The following CCDC102B variants were observed in gnomAD, a reference collection of about 807,000 sequenced individuals.
The protein encoded by CCDC102B is coiled-coil domain-containing protein 102B.
Under a neutral mutation model 57.4 loss-of-function variants are expected in CCDC102B, and 75 were observed. The observed-to-expected ratio is 1.31, with a 90% CI of 1.08 to 1.58. CCDC102B has a LOEUF of 1.58. Ranked by LOEUF, CCDC102B falls within the 40% of genes most tolerant of loss-of-function variation. The probability of loss-of-function intolerance (pLI) is 0.00; values close to 1 mark genes in which losing one functional copy is unlikely to be tolerated. For missense variants in CCDC102B, 636 were observed against 582.6 expected, an observed-to-expected ratio of 1.09 and a Z score of -0.94; for synonymous variants, 206 against 201.9, an observed-to-expected ratio of 1.02 and a Z score of -0.17.
At chr18:68,892,069 T>TA (rs2040098935) in intron 5 of CCDC102B, among the ~76,000 whole-genome samples, 1 of 152,192 alleles carries the variant, frequency 6.6e-6, no homozygotes, top group Admixed American at 6.5e-5. Context: ...GGACACTTTT[T>TA]AAAAATCCAA....
At chr18:68,953,614 TA>T (rs1262309025) in intron 6 of CCDC102B, among the ~76,000 whole-genome samples, 1 of 152,126 alleles carries the variant, frequency 6.6e-6, no homozygotes, top group East Asian at 1.9e-4. Flanking sequence ...TCAATGAGTA[TA>T]AAGTGTCCAT....
intron 4 of CCDC102B, among the ~76,000 whole-genome samples, chr18:68,864,502 A>G (rs1599594172): frequency 6.6e-6 from 1 of 151,932 alleles, no homozygotes; most frequent in African/African-American, 2.4e-5. Context: ...TTTCCTGGGT[A>G]CTGTTACATT....
At chr18:68,853,719 C>T (rs1333557504) in intron 4 of CCDC102B, among the ~76,000 whole-genome samples, 4 of 119,258 alleles carry the variant, frequency 3.4e-5, no homozygotes, top group Admixed American at 9.5e-5. Context: ...TCAATGAAAC[C>T]TTTATATATG....
chr18:69,032,858 C>T (rs181542721), intron 7 of CCDC102B, among the ~76,000 whole-genome samples: 4 of 151,862 alleles, frequency 2.6e-5, no homozygotes, highest in East Asian at 1.9e-4. Context: ...TCTCACTGGT[C>T]GTGAAGCTGG....
chr18:68,921,421 T>C (rs2041276085), intron 6 of CCDC102B, among the ~76,000 whole-genome samples: 1 of 152,220 alleles, frequency 6.6e-6, no homozygotes, highest in Non-Finnish European at 1.5e-5. Context: ...TATCCAAATT[T>C]TAGTCACTGG....
intron 6 of CCDC102B, among the ~76,000 whole-genome samples, chr18:68,965,641 C>G (rs1568357968): frequency 6.6e-6 from 1 of 151,292 alleles, no homozygotes; most frequent in Non-Finnish European, 1.5e-5. Flanking sequence ...AAACCAGTCA[C>G]TATTTATAAA....
At chr18:68,833,820 A>G (rs879843369) in intron 1 of CCDC102B, among the ~76,000 whole-genome samples, 14 of 152,176 alleles carry the variant, frequency 9.2e-5, no homozygotes, top group Non-Finnish European at 2.1e-4. Flanking sequence ...ACTACATTCA[A>G]AAATATTTGC....
At chr18:68,830,308 C>G (rs535661231) in intron 1 of CCDC102B, among the ~76,000 whole-genome samples, 91 of 151,998 alleles carry the variant, frequency 6.0e-4, no homozygotes, top group African/African-American at 1.9e-3. Flanking sequence ...TGTCTATTAG[C>G]CACCTGGAAA....
intron 6 of CCDC102B, among the ~76,000 whole-genome samples, chr18:68,942,310 G>C (rs569809180): frequency 6.6e-6 from 1 of 151,996 alleles, no homozygotes; most frequent in Admixed American, 6.6e-5. Context: ...GGCGTTTCTC[G>C]TCAGGTGGAA....
intron 1 of CCDC102B, among the ~76,000 whole-genome samples, chr18:68,816,399 A>T (rs1407238838): frequency 2.0e-5 from 3 of 151,948 alleles, no homozygotes; most frequent in Admixed American, 1.3e-4. Flanking sequence ...CCAAGATCTC[A>T]CACCTGTTCA....
intron 5 of CCDC102B, 125 bp from the exon 6 acceptor site, chr18:68,897,094 C>A (rs1041036316): frequency 1.5e-6 from 1 of 672,056 alleles, no homozygotes; most frequent in African/African-American, 1.8e-5. Flanking sequence ...ATAGAATTTT[C>A]TTTTTAAAAT....
intron 2 of CCDC102B, among the ~76,000 whole-genome samples, chr18:68,778,927 T>C (rs2034913838): frequency 6.7e-6 from 1 of 149,914 alleles, no homozygotes; most frequent in Non-Finnish European, 1.5e-5. Context: ...AATTTTGAAG[T>C]GAAGACTCTT....
At chr18:68,887,573 C>T (rs2039934532) in intron 5 of CCDC102B, among the ~76,000 whole-genome samples, 2 of 152,172 alleles carry the variant, frequency 1.3e-5, no homozygotes, top group Non-Finnish European at 2.9e-5. Context: ...TGGACTTTGG[C>T]TCACTGACAT....
In CCDC102B at chr18:68,945,122, CCACACA is replaced by C. The variant is rs34611934; in HGVS notation, c.1263+47716_1263+47721del. ...TCTCTCTCTCTCTGTCTCTCTCTCT[CCACACA>C]CACACACACACACACACACACTCAT... On this transcript the variant is annotated intron_variant, in intron 6 of 7. Transcript: ENST00000360242. 4.6e-4 allele frequency among the ~76,000 whole-genome samples: 66 copies of C among 144,046 alleles called. 1 individual carries two copies. The highest frequency in any genetic ancestry group is 1.5e-3 in the African/African-American group (60 of 38,864). 94.5% of individuals were successfully genotyped at this position (144,046 alleles called of 152,430 possible). A position where few individuals can be genotyped will look rare whatever the true frequency, so the allele number is the denominator to read the frequency against.
intron 6 of CCDC102B, among the ~76,000 whole-genome samples, chr18:68,989,860 C>T (rs1440211102): frequency 2.0e-5 from 3 of 152,302 alleles, no homozygotes; most frequent in East Asian, 3.9e-4. Context: ...AGCCACTAAC[C>T]GCTCCGCTAT....
chr18:68,808,700 G>C (rs970514099), intron 1 of CCDC102B, among the ~76,000 whole-genome samples: 2 of 151,910 alleles, frequency 1.3e-5, no homozygotes, highest in Non-Finnish European at 2.9e-5. Context: ...GGATGGTCTC[G>C]ATCTCCTGAC....
At chr18:68,886,456 C>T (rs927703955) in intron 5 of CCDC102B, among the ~76,000 whole-genome samples, 2 of 151,928 alleles carry the variant, frequency 1.3e-5, no homozygotes, top group African/African-American at 4.8e-5. Flanking sequence ...AAAAAGTGAT[C>T]TTGAACCCAT....
chr18:68,824,338 G>C (rs1250723148), intron 1 of CCDC102B, among the ~76,000 whole-genome samples: 3 of 152,160 alleles, frequency 2.0e-5, no homozygotes, highest in Admixed American at 2.0e-4. Flanking sequence ...GTTTTTGTTG[G>C]CTTTTTCACA....
At chr18:68,998,230 G>A (rs117815225) in intron 6 of CCDC102B, among the ~76,000 whole-genome samples, 2,132 of 151,506 alleles carry the variant, frequency 0.014, 22 homozygotes, top group Non-Finnish European at 0.024. Context: ...TGCAAGCCTG[G>A]AGCTAAATTC....
Sources: allele counts gnomAD v4.1 joint callset (sites outside exome capture counted in the v4.1 genomes callset), GRCh38; gene constraint gnomAD v4.1.1; transcripts MANE v1.5; gene names NCBI Gene and HGNC (gene_info 2026-07-23, HGNC 2026-07-21).